Variants in CDKL1 observed in about 807,000 individuals in gnomAD.
CDKL1 encodes cyclin-dependent kinase-like 1.
A neutral mutation model predicts 42.0 loss-of-function variants in CDKL1; 41 were observed. The observed-to-expected ratio is 0.98, with a 90% CI of 0.76 to 1.27. The LOEUF is 1.27. Among genes scored for constraint, CDKL1 ranks in the 50% most tolerant of loss-of-function variants. CDKL1 has a pLI of 0.00. For missense variants in CDKL1, 394 were observed against 428.4 expected, an observed-to-expected ratio of 0.92 and a Z score of 0.71; for synonymous variants, 153 against 158.6, an observed-to-expected ratio of 0.96 and a Z score of 0.26.
intron 2 of CDKL1, chr14:50,362,790 G>T (rs2034307554): frequency 3.8e-6 from 1 of 264,012 alleles, no homozygotes; most frequent in African/African-American, 2.2e-5. Context: ...CTGTAAAACA[G>T]ACCAATTGGC....
At position 50,326,467 on chromosome 14, in the gene CDKL1, G is replaced by C; in HGVS notation, c.*3607C>G. On this transcript the variant is annotated 3_prime_UTR_variant, in exon 10 of 10. Coordinates refer to ENST00000395834, the MANE Select transcript of CDKL1 (RefSeq NM_004196.7). ...GCTAAATTACAGATTCATTGATGGA[G>C]TCAATTATGCAAAGTGGTCAGTGGT... 1.0e-6 allele frequency: 1 copy of C among 985,334 alleles called. No individual in the cohort carries two copies. The highest frequency in any genetic ancestry group is 1.7e-5 in the African/African-American group (1 of 57,346). The allele number at this position is 985,334 out of a possible 1,614,324, so 61.0% of individuals were successfully genotyped here. A position where few individuals can be genotyped will look rare whatever the true frequency, so the allele number is the denominator to read the frequency against.
chr14:50,390,353 C>G (rs2035220054), intron 2 of CDKL1: 4 of 1,366,250 alleles, frequency 2.9e-6, no homozygotes, highest in Middle Eastern at 2.1e-4. Context: ...CCGCTAGGAG[C>G]ATCTACTTTT....
chr14:50,378,687 C>A (rs117779615), intron 2 of CDKL1, among the ~76,000 whole-genome samples: 1 of 152,086 alleles, frequency 6.6e-6, no homozygotes, highest in East Asian at 1.9e-4. Flanking sequence ...GCACACATGA[C>A]CATGGCTGGA....
chr14:50,390,068 C>T, intron 2 of CDKL1: 1 of 874,126 alleles, frequency 1.1e-6, no homozygotes, highest in Non-Finnish European at 1.7e-6. Context: ...GTAATTTGTG[C>T]ATCCTAAGTA....
At chr14:50,389,850 A>G (rs1254386961) in intron 2 of CDKL1, among the ~76,000 whole-genome samples, 3 of 152,160 alleles carry the variant, frequency 2.0e-5, no homozygotes, top group African/African-American at 7.2e-5. Flanking sequence ...GGTGTTTGGT[A>G]TAAAGTGATG....
At chr14:50,330,243 G>T (rs1190929496) in intron 9 of CDKL1, 62 bp from the exon 10 acceptor site, 1 of 1,556,568 alleles carries the variant, frequency 6.4e-7, no homozygotes, top group Non-Finnish European at 8.6e-7. Context: ...TCATTATTTA[G>T]AATATATCAC....
At chr14:50,394,954 T>C (rs1231100669) in intron 2 of CDKL1, among the ~76,000 whole-genome samples, 1 of 152,076 alleles carries the variant, frequency 6.6e-6, no homozygotes, top group Non-Finnish European at 1.5e-5. Context: ...CTGGCCAACA[T>C]AGCAAGATCC....
Position 50,342,157 on chromosome 14 carries a change from A to G in CDKL1, c.429T>C (p.Cys143=). Residue 143 remains cysteine, a synonymous_variant, in exon 5 of 10, where the codon TGT becomes TGC. Transcript: ENST00000395834. ...TCAAAAGCCGAGCAAATCCAAAGTC[A>G]CAAAGCTTAATCACGGAATGTTTCG... ...LITKHSVIKL[C]DFGFARLLTG... 6.2e-7 allele frequency: 1 copy of G among 1,614,154 alleles called. No individual in the cohort carries two copies. The highest frequency in any genetic ancestry group is 8.5e-7 in the Non-Finnish European group (1 of 1,180,000).
chr14:50,358,670 C>T (rs575397786), intron 3 of CDKL1, among the ~76,000 whole-genome samples: 21 of 56,414 alleles, frequency 3.7e-4, no homozygotes, highest in Admixed American at 2.1e-3. Context: ...GACAGAGTCT[C>T]ACCCTGTTGC....
intron 2 of CDKL1, among the ~76,000 whole-genome samples, chr14:50,382,382 T>C (rs941872860): frequency 6.6e-6 from 1 of 151,690 alleles, no homozygotes; most frequent in South Asian, 2.1e-4. Context: ...ACCCGGGAGG[T>C]GGAGCTTGCA....
intron 2 of CDKL1, among the ~76,000 whole-genome samples, chr14:50,394,636 G>C (rs2035347460): frequency 6.6e-6 from 1 of 152,192 alleles, no homozygotes; most frequent in Non-Finnish European, 1.5e-5. Context: ...AGTTATACAG[G>C]TCAGAACAGA....
intron 2 of CDKL1, among the ~76,000 whole-genome samples, chr14:50,392,452 AAATAATAATAAT>A (rs56882058): frequency 3.3e-4 from 45 of 134,492 alleles, no homozygotes; most frequent in East Asian, 1.0e-3. Context: ...TCCAAAAAAG[AAATAATAATAAT>A]AATAATAATA....
intron 2 of CDKL1, among the ~76,000 whole-genome samples, chr14:50,375,931 A>C (rs916661131): frequency 6.6e-5 from 10 of 152,186 alleles, no homozygotes; most frequent in Non-Finnish European, 1.2e-4. Flanking sequence ...ATTCTACAAA[A>C]TATGTGACCA....
In CDKL1 at chr14:50,345,130, T is replaced by A. The variant is rs546728763; in HGVS notation, c.291-72A>T. 5.9e-6 allele frequency: 8 copies of A among 1,366,240 alleles called. No homozygotes were observed. In the Middle Eastern group the frequency reaches 7.2e-4, roughly 123 times the overall value. The allele number at this position is 1,366,240 out of a possible 1,614,324, so 84.6% of individuals were successfully genotyped here. On this transcript the variant is annotated intron_variant, in intron 3 of 9. Transcript: ENST00000395834. ...GAATTCAGCTCAAGAAAAGAAAAAA[T>A]AAACGAAGATAGGCTTTAGTAGTGA...
At chr14:50,396,976 G>C (rs944834028), upstream of CDKL1, 4 of 803,046 alleles carry the variant, frequency 5.0e-6, no homozygotes, top group Non-Finnish European at 6.6e-6. Context: ...TCCCACCCCC[G>C]GCCCGGCCCA....
chr14:50,330,433 G>A lies in CDKL1; in HGVS notation c.967-252C>T, dbSNP rs1286129255. 1.8e-5 allele frequency: 7 copies of A among 381,058 alleles called. 1 individual carries two copies. The East Asian group carries it at 1.9e-4, about 10-fold the overall frequency. The allele number at this position is 381,058 out of a possible 1,614,324, so 23.6% of individuals were successfully genotyped here. A position where few individuals can be genotyped will look rare whatever the true frequency, so the allele number is the denominator to read the frequency against. ...AATATGAAAAGGGGAAAATCTACATGTTAACATTATTGGGAAGAAAACATA... is the reference window on the plus strand; with the variant it reads ...AATATGAAAAGGGGAAAATCTACATATTAACATTATTGGGAAGAAAACATA... On this transcript the variant is annotated intron_variant, in intron 9 of 9. Transcript: ENST00000395834.
At chr14:50,370,826 T>A (rs2034570520) in intron 2 of CDKL1, among the ~76,000 whole-genome samples, 1 of 152,154 alleles carries the variant, frequency 6.6e-6, no homozygotes, top group Non-Finnish European at 1.5e-5. Context: ...GAACTCACTA[T>A]CACGAAGACA....
At chr14:50,344,281 T>C (rs1246472059) in intron 4 of CDKL1, among the ~76,000 whole-genome samples, 3 of 152,088 alleles carry the variant, frequency 2.0e-5, no homozygotes, top group African/African-American at 7.2e-5. Context: ...TTGCACTGGG[T>C]TTGGGGTTCC....
At chr14:50,390,442 G>C (rs756899742) in intron 2 of CDKL1, 1 of 1,275,262 alleles carries the variant, frequency 7.8e-7, no homozygotes, top group East Asian at 5.4e-5. Flanking sequence ...AGCAGCATAG[G>C]GGCTTGGGGC....
Sources: allele counts gnomAD v4.1 joint callset (sites outside exome capture counted in the v4.1 genomes callset), GRCh38; gene constraint gnomAD v4.1.1; transcripts MANE v1.5; gene names NCBI Gene and HGNC (gene_info 2026-07-23, HGNC 2026-07-21).